Variants in HPSE2 observed in about 807,000 individuals in gnomAD.
The protein encoded by HPSE2 is inactive heparanase-2.
Under a neutral mutation model 60.5 loss-of-function variants are expected in HPSE2, and 38 were observed. That is an observed-to-expected ratio of 0.63 (90% CI 0.48 to 0.82). The LOEUF (loss-of-function observed/expected upper bound fraction) is 0.82, where lower values mean the gene tolerates loss of function less well. HPSE2 is among the 40% of genes least tolerant of loss of function. The probability of loss-of-function intolerance (pLI) is 0.00; values close to 1 mark genes in which losing one functional copy is unlikely to be tolerated. For synonymous variants in HPSE2, 295 were observed against 293.2 expected, an observed-to-expected ratio of 1.01 and a Z score of -0.06; for missense variants, 713 against 740.4, an observed-to-expected ratio of 0.96 and a Z score of 0.43.
chr10:98,704,931 C>A (rs1055214562), intron 5 of HPSE2, among the ~76,000 whole-genome samples: 4 of 152,116 alleles, frequency 2.6e-5, no homozygotes, highest in African/African-American at 9.7e-5. Flanking sequence ...AAACTAAGAG[C>A]TTCTGCCCAG....
chr10:99,022,866 G>A (rs1957293838), intron 3 of HPSE2, among the ~76,000 whole-genome samples: 2 of 152,148 alleles, frequency 1.3e-5, no homozygotes, highest in African/African-American at 4.8e-5. Context: ...ATAATCAAGG[G>A]CCTTGGGTGA....
chr10:99,119,461 A>C (rs1844859637), intron 3 of HPSE2, among the ~76,000 whole-genome samples: 1 of 152,226 alleles, frequency 6.6e-6, no homozygotes, highest in South Asian at 2.1e-4. Context: ...TCAAATGGAA[A>C]ACATTACATG....
rs147822216 is a variant in HPSE2, at chr10:99,146,787, G to C, written c.449-2388C>G. On this transcript the variant is annotated intron_variant, in intron 2 of 11. Coordinates refer to ENST00000370552, the MANE Select transcript of HPSE2 (RefSeq NM_021828.5). ...GAGGCAGGAGAATTACTTGAACGCA[G>C]GAAGCGGAGGTTGCAGTGAGCCGAG... 9.5e-3 allele frequency among the ~76,000 whole-genome samples: 1,450 copies of C among 152,272 alleles called. 30 individuals are homozygous for C. Among genetic ancestry groups the C allele is most frequent in the African/African-American group, 0.033 (1,364 of 41,554 alleles).
intron 3 of HPSE2, among the ~76,000 whole-genome samples, chr10:99,129,999 A>T (rs907750482): frequency 1.3e-5 from 2 of 152,054 alleles, no homozygotes; most frequent in Admixed American, 6.5e-5. Context: ...TACCAGGAAC[A>T]CCTTTACGTG....
At position 99,232,652 on chromosome 10, in the gene HPSE2, G is replaced by A. The variant is rs957150447; in HGVS notation, c.291-147C>T. ...CCTGCCCCAGCCGGCAGTCCACGCTGGCCCTTGGCCGCTGCCCTGCGCCCC... is the reference window on the plus strand; with the variant it reads ...CCTGCCCCAGCCGGCAGTCCACGCTAGCCCTTGGCCGCTGCCCTGCGCCCC... On this transcript the variant is annotated intron_variant, in intron 1 of 11. Coordinates refer to ENST00000370552, the MANE Select transcript of HPSE2 (RefSeq NM_021828.5). The A allele has an allele frequency of 4.3e-6, 4 of 934,180 alleles. No individual in the cohort carries two copies. In the African/African-American group the frequency reaches 6.6e-5, roughly 15 times the overall value. The allele number at this position is 934,180 out of a possible 1,614,324, so 57.9% of individuals were successfully genotyped here. A position where few individuals can be genotyped will look rare whatever the true frequency, so the allele number is the denominator to read the frequency against.
intron 3 of HPSE2, among the ~76,000 whole-genome samples, chr10:98,882,402 T>TC (rs1420658795): frequency 6.6e-6 from 1 of 152,174 alleles, no homozygotes; most frequent in Admixed American, 6.6e-5. Context: ...ATTTTTTTTT[T>TC]CTCAAAAGTC....
intron 3 of HPSE2, among the ~76,000 whole-genome samples, chr10:99,136,480 G>A (rs1005171351): frequency 7.2e-5 from 11 of 151,992 alleles, no homozygotes; most frequent in East Asian, 1.9e-4. Flanking sequence ...ACATCGATGC[G>A]AAAATCCTCA....
chr10:98,890,981 CAT>C (rs1303002672), intron 3 of HPSE2, among the ~76,000 whole-genome samples: 1 of 152,180 alleles, frequency 6.6e-6, no homozygotes, highest in Non-Finnish European at 1.5e-5. Context: ...ACATGGAGCA[CAT>C]ATCTTATTTT....
intron 3 of HPSE2, among the ~76,000 whole-genome samples, chr10:98,960,726 A>ATTTTTTTTTTTTT (rs68091060): frequency 9.7e-6 from 1 of 102,604 alleles, no homozygotes; most frequent in Non-Finnish European, 1.9e-5. Context: ...TTTTTGTTTT[A>ATTTTTTTTTTTTT]TTTTTTTTAT....
the HPSE2 span, among the ~76,000 whole-genome samples, chr10:99,305,077 G>A: frequency 2.0e-5 from 3 of 152,300 alleles, no homozygotes; most frequent in Admixed American, 2.0e-4. Flanking sequence ...TTGCCAATAT[G>A]GGCACAGCTA....
intron 11 of HPSE2, among the ~76,000 whole-genome samples, chr10:98,470,044 C>A (rs1490336550): frequency 1.3e-5 from 2 of 152,098 alleles, no homozygotes; most frequent in Non-Finnish European, 2.9e-5. Context: ...GAATGTGGGG[C>A]TACAAAGCAT....
intron 2 of HPSE2, among the ~76,000 whole-genome samples, chr10:99,148,821 CAATA>C (rs1193686459): frequency 1.3e-4 from 18 of 135,650 alleles, no homozygotes; most frequent in African/African-American, 1.0e-4. Context: ...ATCAATCAAT[CAATA>C]AAATAGTTGA....
In HPSE2 at chr10:98,802,820, C is replaced by A. The variant is rs865865399; in HGVS notation, c.611-58764G>T. ...CTTTATAGCAGCATGATTTATAGTCCTTTGGGTATATACCCAGTAATGGGA... is the reference window on the plus strand; with the variant it reads ...CTTTATAGCAGCATGATTTATAGTCATTTGGGTATATACCCAGTAATGGGA... On this transcript the variant is annotated intron_variant, in intron 3 of 11. Coordinates refer to ENST00000370552, the MANE Select transcript of HPSE2 (RefSeq NM_021828.5). Among the ~76,000 whole-genome samples the A allele has an allele frequency of 1.6e-3, 221 of 141,660 alleles. 2 individuals carry two copies. The highest frequency in any genetic ancestry group is 5.7e-3 in the African/African-American group (210 of 37,016). The allele number at this position is 141,660 out of a possible 152,430, so 92.9% of individuals were successfully genotyped here.
chr10:98,906,487 T>G (rs1484110075), intron 3 of HPSE2, among the ~76,000 whole-genome samples: 2 of 152,030 alleles, frequency 1.3e-5, no homozygotes, highest in Non-Finnish European at 2.9e-5. Context: ...AAAGGAACAT[T>G]AGAGGAAAGG....
chr10:98,897,834 A>T (rs1181875145), intron 3 of HPSE2, among the ~76,000 whole-genome samples: 1 of 152,162 alleles, frequency 6.6e-6, no homozygotes, highest in African/African-American at 2.4e-5. Context: ...AAAGAAAAAA[A>T]ATTGATTAGT....
chr10:99,004,296 CTTGTT>C (rs151201621), intron 3 of HPSE2, among the ~76,000 whole-genome samples: 15,936 of 151,446 alleles, frequency 0.11, 884 homozygotes, highest in South Asian at 0.18. Flanking sequence ...TTATTGTTTT[CTTGTT>C]TTGTTTTGTT....
At chr10:99,281,343 AGT>A in the HPSE2 span, among the ~76,000 whole-genome samples, 732 of 76,424 alleles carry the variant, frequency 9.6e-3, 8 homozygotes, top group Non-Finnish European at 0.013. Context: ...TATTTAATAA[AGT>A]GTTATATCGA....
intron 3 of HPSE2, among the ~76,000 whole-genome samples, chr10:99,032,884 C>T (rs1320558099): frequency 6.6e-6 from 1 of 152,182 alleles, no homozygotes; most frequent in East Asian, 1.9e-4. Flanking sequence ...TGCTCTTCTG[C>T]CTAGGTCCTC....
At chr10:99,292,230 C>A in the HPSE2 span, among the ~76,000 whole-genome samples, 5 of 152,224 alleles carry the variant, frequency 3.3e-5, no homozygotes, top group Middle Eastern at 3.4e-3. Flanking sequence ...TGGGAACTGG[C>A]TAAAAGCAGA....
Sources: gnomAD v4.1 joint callset for allele counts (sites outside exome capture counted in the v4.1 genomes callset) on GRCh38, gnomAD v4.1.1 for gene constraint, MANE v1.5 for transcripts, NCBI Gene and HGNC (gene_info 2026-07-23, HGNC 2026-07-21) for gene names.